TARS3: variants seen among roughly 807,000 people sequenced by gnomAD.
The protein encoded by TARS3 is threonine--tRNA ligase 2, cytoplasmic.
In TARS3, 94 loss-of-function variants were observed where a neutral mutation model predicts 103.5. The observed-to-expected ratio is 0.91, with a 90% CI of 0.77 to 1.08. TARS3 has a LOEUF of 1.08. Ranked by LOEUF, TARS3 falls within the 50% of genes least tolerant of loss-of-function variation. TARS3 has a pLI of 0.00. For missense variants in TARS3, 952 were observed against 995.2 expected, an observed-to-expected ratio of 0.96 and a Z score of 0.58; for synonymous variants, 416 against 355.4, an observed-to-expected ratio of 1.17 and a Z score of -1.92.
intron 12 of TARS3, among the ~76,000 whole-genome samples, chr15:101,680,635 C>T (rs1375736500): frequency 3.3e-5 from 5 of 152,098 alleles, no homozygotes; most frequent in African/African-American, 1.2e-4. Flanking sequence ...CTTTTTTGCT[C>T]ATTGTTTAAC....
chr15:101,703,960 T>C (rs1375750964), intron 7 of TARS3, 23 bp from the exon 8 acceptor site: 11 of 1,539,752 alleles, frequency 7.1e-6, no homozygotes, highest in South Asian at 1.1e-5. Context: ...ATTTAGGACA[T>C]GCTCAGGCAC....
At chr15:101,655,340 C>T (rs1431523047) in intron 18 of TARS3, among the ~76,000 whole-genome samples, 3 of 123,676 alleles carry the variant, frequency 2.4e-5, no homozygotes, top group African/African-American at 3.3e-5. Flanking sequence ...TCACACTGAC[C>T]CCACCTGGCA....
rs535973235 is a variant in TARS3, at chr15:101,722,748, G to T, written c.369+345C>A. Among the ~76,000 whole-genome samples, 8 of 151,542 alleles carry T rather than the reference G, an allele frequency of 5.3e-5. No homozygotes were observed. In the South Asian group the frequency reaches 1.7e-3, roughly 32 times the overall value. The stretch of plus-strand genomic sequence containing the variant: ...GCAGGAGAATCGCTTGAACCTGGGA[G>T]GTGGAGGCTGCAGTAACCGAGATCA... On this transcript the variant is annotated intron_variant, in intron 2 of 18. Coordinates refer to ENST00000335968, the MANE Select transcript of TARS3 (RefSeq NM_152334.3).
At chr15:101,659,502 G>C (rs1172692807) in intron 16 of TARS3, among the ~76,000 whole-genome samples, 1 of 152,166 alleles carries the variant, frequency 6.6e-6, no homozygotes, top group Non-Finnish European at 1.5e-5. Flanking sequence ...GCTGACTGCT[G>C]TCTGAAGTCT....
rs746240105 is a variant in TARS3, at chr15:101,675,629, C to T, written c.1759G>A (p.Glu587Lys). The T allele has an allele frequency of 8.7e-6, 14 of 1,613,908 alleles. No individual in the cohort carries two copies. The highest frequency in any genetic ancestry group is 1.7e-5 in the Admixed American group (1 of 59,986). Reference sequence around the variant, plus strand: ...TCAGCCTCATTCCACATCTCAATCTCTCCTAGGAAGTTTTCCGGCCTTGTT... The same window carrying T: ...TCAGCCTCATTCCACATCTCAATCTTTCCTAGGAAGTTTTCCGGCCTTGTT... ...LSTRPENFLGEIEMWNEAEKQ... is the reference protein window; with the variant it reads ...LSTRPENFLGKIEMWNEAEKQ... Residue 587 changes from glutamate (E) to lysine (K), a missense_variant, in exon 13 of 19, where the codon GAG (glutamate) becomes AAG (lysine). Around this residue, in one of 2 missense-constraint regions of TARS3, gnomAD observed 540 missense variants for 631.0 expected, o/e 0.86. Coordinates refer to ENST00000335968, the MANE Select transcript of TARS3 (RefSeq NM_152334.3).
At chr15:101,670,635 T>C (rs758701924) in intron 15 of TARS3, among the ~76,000 whole-genome samples, 20 of 152,330 alleles carry the variant, frequency 1.3e-4, no homozygotes, top group Non-Finnish European at 1.2e-4. Context: ...GTTAAATATT[T>C]AATTATCATA....
intron 6 of TARS3, among the ~76,000 whole-genome samples, chr15:101,707,588 G>A (rs1899633430): frequency 6.6e-6 from 1 of 152,094 alleles, no homozygotes; most frequent in Non-Finnish European, 1.5e-5. Context: ...AGTGAAACAA[G>A]CCAGTCACAA....
chr15:101,659,076 C>G (rs1897284333), intron 16 of TARS3, among the ~76,000 whole-genome samples: 1 of 152,212 alleles, frequency 6.6e-6, no homozygotes, highest in Non-Finnish European at 1.5e-5. Context: ...CAGGCGTGAG[C>G]CACCACATCC....
At chr15:101,699,528 C>T in intron 10 of TARS3, 1 of 444,024 alleles carries the variant, frequency 2.3e-6, no homozygotes, top group South Asian at 1.6e-5. Context: ...TACAAGGTGC[C>T]AGGGGCCATG....
chr15:101,675,789 T>C (rs1435457991), intron 12 of TARS3, 52 bp from the exon 13 acceptor site: 6 of 1,546,682 alleles, frequency 3.9e-6, no homozygotes, highest in Non-Finnish European at 5.3e-6. Flanking sequence ...TTCATTTATG[T>C]TTTAAAAAAT....
At chr15:101,711,003 T>C (rs566427984) in intron 5 of TARS3, among the ~76,000 whole-genome samples, 1 of 152,260 alleles carries the variant, frequency 6.6e-6, no homozygotes, top group South Asian at 2.1e-4. Context: ...GGCTGGCTGT[T>C]TGCTAACGAT....
chr15:101,706,897 C>T (rs1899593554), intron 6 of TARS3, among the ~76,000 whole-genome samples: 1 of 151,992 alleles, frequency 6.6e-6, no homozygotes, highest in Non-Finnish European at 1.5e-5. Context: ...AAAAGGCAAC[C>T]CACAGAATTA....
At chr15:101,687,352 A>T (rs1372552496) in intron 10 of TARS3, among the ~76,000 whole-genome samples, 1 of 152,148 alleles carries the variant, frequency 6.6e-6, no homozygotes, top group Non-Finnish European at 1.5e-5. Context: ...GCAGTGAGCC[A>T]AGGTCACGCC....
intron 3 of TARS3, among the ~76,000 whole-genome samples, chr15:101,715,756 A>G (rs1232683772): frequency 6.6e-6 from 1 of 152,162 alleles, no homozygotes; most frequent in African/African-American, 2.4e-5. Flanking sequence ...CATAGAGTAT[A>G]TCACACAGAC....
intron 10 of TARS3, chr15:101,699,272 G>GTGTC: frequency 2.8e-6 from 1 of 354,356 alleles, no homozygotes; most frequent in South Asian, 2.2e-5. Flanking sequence ...AGTGTCGCCT[G>GTGTC]TGTCTGTCAA....
rs1243590346 is a variant in TARS3, at chr15:101,684,158, C to G, written c.1567G>C (p.Glu523Gln). The G allele has an allele frequency of 6.2e-7, 1 of 1,614,078 alleles. No individual in the cohort carries two copies. Among genetic ancestry groups the G allele is most frequent in the East Asian group, 2.2e-5 (1 of 44,880 alleles). The change falls in exon 12 of 19, where the codon GAA becomes CAA. Residue 523 changes from glutamate (E) to glutamine (Q), a missense_variant. Physicochemically the swap from Glu to Gln is conservative, Grantham distance 29. Around this residue, in one of 2 missense-constraint regions of TARS3, gnomAD observed 540 missense variants for 631.0 expected, o/e 0.86. Transcript: ENST00000335968. The part of the protein sequence containing the change: ...FADFGVLHRN[E>Q]LSGTLSGLTR... ...AAGCCGCTGAGAGTCCCCGACAGTT[C>G]ATTTCTATGCAGAACTCCAAAATCA...
intron 3 of TARS3, among the ~76,000 whole-genome samples, chr15:101,718,291 C>T (rs1346689987): frequency 2.6e-5 from 4 of 151,910 alleles, no homozygotes; most frequent in African/African-American, 7.3e-5. Flanking sequence ...TCGCTTGAAA[C>T]CGGAGGGCGG....
rs114080505 is a variant in TARS3 at position 101,665,225 on chromosome 15, G to A, written c.1968-3409C>T. Among the ~76,000 whole-genome samples, 1,162 of 152,276 alleles carry A rather than the reference G, an allele frequency of 7.6e-3. 16 individuals carry two copies. The highest frequency in any genetic ancestry group is 0.026 in the African/African-American group (1,093 of 41,556). ...TGCAAACCAATAACTTACAGATTCA[G>A]GAAGTTCAAACCGCCACAACATAGA... is the stretch of plus-strand genomic sequence containing the variant. On this transcript the variant is annotated intron_variant, in intron 15 of 18. Transcript: ENST00000335968.
chr15:101,690,187 C>T (rs1157760890), intron 10 of TARS3, among the ~76,000 whole-genome samples: 1 of 152,182 alleles, frequency 6.6e-6, no homozygotes. Context: ...TTCCATTTGC[C>T]ACTGCCTGTC....
Sources: gnomAD v4.1 joint callset for allele counts (sites outside exome capture counted in the v4.1 genomes callset) on GRCh38, gnomAD v4.1.1 for gene constraint, gnomAD v4.1.1 regional missense constraint, MANE v1.5 for transcripts, NCBI Gene and HGNC (gene_info 2026-07-23, HGNC 2026-07-21) for gene names.